The following LRRK2 variants were observed in gnomAD, a reference collection of about 807,000 sequenced individuals.
The protein encoded by LRRK2 is leucine-rich repeat serine/threonine-protein kinase 2.
LRRK2 carries 203 observed loss-of-function variants against 302.6 expected under a neutral mutation model. The observed-to-expected ratio is 0.67, with a 90% CI of 0.60 to 0.75. The LOEUF (loss-of-function observed/expected upper bound fraction) is 0.75. Among genes scored for constraint, LRRK2 ranks in the 30% least tolerant of loss-of-function variants. The probability of loss-of-function intolerance (pLI) is 0.00; values close to 1 mark genes in which losing one functional copy is unlikely to be tolerated. For missense variants in LRRK2, 2,830 were observed against 2,951.0 expected, an observed-to-expected ratio of 0.96 and a Z score of 0.95; for synonymous variants, 1,066 against 1,031.9, an observed-to-expected ratio of 1.03 and a Z score of -0.63.
chr12:40,319,678 T>C lies in LRRK2; in HGVS notation c.4828-310T>C, dbSNP rs114366057. ...ATTATTGATGAGACTGCAAAACAGATGTGAGGTATTGGATTGATCTTTCCA... is the reference window on the plus strand; with the variant it reads ...ATTATTGATGAGACTGCAAAACAGACGTGAGGTATTGGATTGATCTTTCCA... On this transcript the variant is annotated intron_variant, in intron 33 of 50. Transcript: ENST00000298910. 2.4e-3 allele frequency among the ~76,000 whole-genome samples: 366 copies of C among 152,242 alleles called. 1 individual carries two copies. The highest frequency in any genetic ancestry group is 8.5e-3 in the African/African-American group (353 of 41,568).
Position 40,309,108 on chromosome 12 carries a change from C to A in LRRK2, c.4192C>A (p.Arg1398Ser), listed in dbSNP as rs373268136. 1 of 1,613,356 alleles carries A rather than the reference C, an allele frequency of 6.2e-7. No individual in the cohort carries two copies. The highest frequency in any genetic ancestry group is 8.5e-7 in the Non-Finnish European group (1 of 1,179,670). ...LVLNVWDFAG[R>S]EEFYSTHPHF... ...ATTTGTCTCTAATCTTTATTTAGGT[C>A]GTGAGGAATTCTATAGTACTCATCC... is the stretch of plus-strand genomic sequence containing the variant. Residue 1398 changes from arginine to serine, a missense_variant and splice_region_variant, in exon 30 of 51, where the codon CGT (arginine) becomes AGT (serine). Physicochemically the swap from Arg to Ser is moderately radical, Grantham distance 110. This residue lies in a region of LRRK2 where 2,121 missense variants were observed against 2,148.0 expected (regional missense o/e 0.99). Transcript: ENST00000298910.
intron 39 of LRRK2, among the ~76,000 whole-genome samples, chr12:40,333,415 G>C (rs1945773679): frequency 6.6e-6 from 1 of 152,126 alleles, no homozygotes; most frequent in African/African-American, 2.4e-5. Flanking sequence ...TTTAAAGCAT[G>C]AATCAATTTA....
At chr12:40,232,133 G>T in intron 2 of LRRK2, 141 bp from the exon 3 acceptor site, 1 of 693,890 alleles carries the variant, frequency 1.4e-6, no homozygotes, top group Non-Finnish European at 2.6e-6. Flanking sequence ...AAGCATTTTA[G>T]GGTATCATTT....
chr12:40,362,076 GT>G (rs1436399146), intron 47 of LRRK2, among the ~76,000 whole-genome samples: 1 of 151,914 alleles, frequency 6.6e-6, no homozygotes, highest in Non-Finnish European at 1.5e-5. Context: ...CATATTTTAT[GT>G]TTTTTTATTA....
chr12:40,359,140 A>C (rs1441109796), intron 46 of LRRK2, 120 bp from the exon 47 acceptor site: 1 of 855,288 alleles, frequency 1.2e-6, no homozygotes, highest in African/African-American at 1.7e-5. Context: ...TTTGAGTTTT[A>C]ATTTTAATAT....
rs1437367724 is a variant in LRRK2 at position 40,367,753 on chromosome 12, A to G, written c.7572A>G (p.Thr2524=). ...RKELAEKMRR[T]SVE ...AATTAGCTGAAAAAATGAGACGAAC[A>G]TCTGTTGAGTAAGAGAGAAATAGGA... is the stretch of plus-strand genomic sequence containing the variant. Residue 2524 remains threonine (T), a synonymous_variant, in exon 51 of 51, where the codon ACA becomes ACG. Transcript: ENST00000298910. 1.2e-6 allele frequency: 2 copies of G among 1,605,390 alleles called. No homozygotes were observed. Among genetic ancestry groups the G allele is most frequent in the African/African-American group, 1.3e-5 (1 of 74,600 alleles).
At chr12:40,298,518 A>T in intron 24 of LRRK2, 25 bp downstream of exon 24, 1 of 1,613,556 alleles carries the variant, frequency 6.2e-7, no homozygotes, top group Non-Finnish European at 8.5e-7. Flanking sequence ...ATTAAAAATA[A>T]AAGGGTTGCC....
At chr12:40,231,570 C>A (rs61931634) in intron 2 of LRRK2, among the ~76,000 whole-genome samples, 401 of 66,136 alleles carry the variant, frequency 6.1e-3, no homozygotes, top group Non-Finnish European at 7.5e-3. Flanking sequence ...AAAACAAAAA[C>A]AAAACCAAAA....
chr12:40,318,339 T>G (rs988124917), intron 33 of LRRK2, among the ~76,000 whole-genome samples: 1 of 152,050 alleles, frequency 6.6e-6, no homozygotes, highest in Non-Finnish European at 1.5e-5. Context: ...ATAGATCCAC[T>G]AGGAAAATCA....
At chr12:40,255,963 A>G (rs557095516) in intron 11 of LRRK2, among the ~76,000 whole-genome samples, 1 of 152,176 alleles carries the variant, frequency 6.6e-6, no homozygotes, top group Non-Finnish European at 1.5e-5. Context: ...TCTTCTTAAG[A>G]TAGACTACTT....
At chr12:40,283,107 C>A (rs1322175268) in intron 18 of LRRK2, among the ~76,000 whole-genome samples, 2 of 152,126 alleles carry the variant, frequency 1.3e-5, no homozygotes, top group Non-Finnish European at 2.9e-5. Flanking sequence ...GATATTATTT[C>A]TATTACCTGT....
intron 8 of LRRK2, 62 bp from the exon 9 acceptor site, chr12:40,251,170 G>A (rs1463173144): frequency 1.8e-6 from 2 of 1,129,586 alleles, no homozygotes; most frequent in South Asian, 1.5e-5. Flanking sequence ...ACTTAGAGTT[G>A]GTCAAACTGT....
At chr12:40,268,124 A>G (rs1943098038) in intron 14 of LRRK2, among the ~76,000 whole-genome samples, 2 of 152,200 alleles carry the variant, frequency 1.3e-5, no homozygotes, top group South Asian at 4.1e-4. Flanking sequence ...GCTTTTCCAC[A>G]GATGAAGACT....
chr12:40,242,401 A>G (rs1941770656), intron 6 of LRRK2, among the ~76,000 whole-genome samples: 1 of 152,022 alleles, frequency 6.6e-6, no homozygotes, highest in Non-Finnish European at 1.5e-5. Flanking sequence ...ATGTAGGTTC[A>G]CACCTCACTT....
chr12:40,309,492 T>C (rs902736470), intron 30 of LRRK2, among the ~76,000 whole-genome samples: 4 of 152,138 alleles, frequency 2.6e-5, no homozygotes, highest in Non-Finnish European at 5.9e-5. Flanking sequence ...AAAATATATA[T>C]GTTCAACTGT....
intron 45 of LRRK2, 47 bp from the exon 46 acceptor site, chr12:40,356,068 C>A: frequency 2.2e-6 from 3 of 1,335,888 alleles, no homozygotes; most frequent in South Asian, 2.4e-5. Flanking sequence ...CCATTTTAGT[C>A]AACATACATG....
At chr12:40,320,329 T>G (rs1300751647) in intron 34 of LRRK2, among the ~76,000 whole-genome samples, 154 bp downstream of exon 34, 2 of 152,140 alleles carry the variant, frequency 1.3e-5, no homozygotes, top group Admixed American at 1.3e-4. Flanking sequence ...TCATTTATTT[T>G]GGAATAAAAC....
Position 40,274,655 on chromosome 12 carries a change from T to C in LRRK2, c.1729T>C (p.Leu577=), listed in dbSNP as rs1384172302. Residue 577 remains leucine, a synonymous_variant, in exon 15 of 51, where the codon TTA becomes CTA. Transcript: ENST00000298910. ...TTCTATTGTACATTTTCCTGATGCA[T>C]TAGAGATGTTATCCCTGGAAGGTGC... is the stretch of plus-strand genomic sequence containing the variant. ...ISSIVHFPDA[L]EMLSLEGAMD... 6.2e-7 allele frequency: 1 copy of C among 1,613,972 alleles called. No individual in the cohort carries two copies. The highest frequency in any genetic ancestry group is 1.7e-5 in the Admixed American group (1 of 60,018).
chr12:40,247,478 G>C (rs1457764131), intron 7 of LRRK2, among the ~76,000 whole-genome samples: 1 of 144,802 alleles, frequency 6.9e-6, no homozygotes, highest in Admixed American at 7.0e-5. Context: ...TATACACATT[G>C]TATATAAATG....
Sources: gnomAD v4.1 joint callset for allele counts (sites outside exome capture counted in the v4.1 genomes callset) on GRCh38, gnomAD v4.1.1 for gene constraint, gnomAD v4.1.1 regional missense constraint, MANE v1.5 for transcripts, NCBI Gene and HGNC (gene_info 2026-07-23, HGNC 2026-07-21) for gene names.